CYB5R4: variants seen among roughly 807,000 people sequenced by gnomAD.
CYB5R4 encodes the protein cytochrome b5 reductase 4, also known as N-terminal cytochrome b5 and cytochrome b5 oxidoreductase domain-containing protein.
Under a neutral mutation model 70.2 loss-of-function variants are expected in CYB5R4, and 55 were observed. The observed-to-expected ratio is 0.78, with a 90% CI of 0.63 to 0.98. The LOEUF (loss-of-function observed/expected upper bound fraction) is 0.98. CYB5R4 is among the 50% of genes least tolerant of loss of function. The pLI, the probability that CYB5R4 is intolerant of heterozygous loss-of-function variation, is 0.00. For missense variants in CYB5R4, 562 were observed against 612.6 expected (o/e 0.92, Z 0.87); for synonymous variants, 197 against 199.5 (o/e 0.99, Z 0.11).
At position 83,908,681 on chromosome 6, in the gene CYB5R4, G is replaced by A. The variant is rs962885665; in HGVS notation, c.331-328G>A. Among the ~76,000 whole-genome samples the A allele has an allele frequency of 2.0e-5, 3 of 151,982 alleles. No homozygotes were observed. The East Asian group carries it at 5.8e-4, about 29-fold the overall frequency. On this transcript the variant is annotated intron_variant, in intron 3 of 15. Transcript: ENST00000369681. ...GATACTAGCAGTTTTACCCACCATTGCTTTTATAGCATCAGAGCAAATGTC... is the reference window on the plus strand; with the variant it reads ...GATACTAGCAGTTTTACCCACCATTACTTTTATAGCATCAGAGCAAATGTC...
intron 2 of CYB5R4, among the ~76,000 whole-genome samples, chr6:83,865,606 AAT>A (rs1353687579): frequency 2.6e-5 from 4 of 152,108 alleles, no homozygotes; most frequent in African/African-American, 2.4e-5. Context: ...TATGGACCCT[AAT>A]CATACTCGAT....
chr6:83,921,073 C>A lies in CYB5R4; in HGVS notation c.565-9C>A, dbSNP rs898836569. 6.8e-7 allele frequency: 1 copy of A among 1,472,670 alleles called. No homozygotes were observed. The highest frequency in any genetic ancestry group is 2.5e-5 in the Admixed American group (1 of 40,428). The allele number at this position is 1,472,670 out of a possible 1,614,324, so 91.2% of individuals were successfully genotyped here. The stretch of plus-strand genomic sequence containing the variant: ...TTTCTAATCTTTCTATTTTTGCTTT[C>A]TCTTTAAGGATATCAATTTAGACTC... On this transcript the variant is annotated splice_polypyrimidine_tract_variant and intron_variant, in intron 7 of 15. Transcript: ENST00000369681.
rs373584432 is a variant in CYB5R4, at chr6:83,899,687, G to C, written c.330+6065G>C. 3.3e-5 allele frequency among the ~76,000 whole-genome samples: 5 copies of C among 152,278 alleles called. No homozygotes were observed. In the East Asian group the frequency reaches 9.6e-4, roughly 29 times the overall value. On this transcript the variant is annotated intron_variant, in intron 3 of 15. Coordinates refer to ENST00000369681, the MANE Select transcript of CYB5R4 (RefSeq NM_016230.4). ...AGGGATTCAACTTCTTCCTGGTTTA[G>C]TCTTGGGAGGGTGTATGTGTCGAGG... is the stretch of plus-strand genomic sequence containing the variant.
chr6:83,892,860 C>G (rs946575364), intron 2 of CYB5R4, among the ~76,000 whole-genome samples: 38 of 151,826 alleles, frequency 2.5e-4, no homozygotes, highest in Admixed American at 7.2e-4. Context: ...CTCTCTCTCT[C>G]TGTGTGCGTG....
chr6:83,942,232 A>C (rs1211785116), intron 14 of CYB5R4, among the ~76,000 whole-genome samples: 2 of 152,244 alleles, frequency 1.3e-5, no homozygotes, highest in Non-Finnish European at 2.9e-5. Context: ...AGCGAGACCA[A>C]CACGGAAGGC....
intron 14 of CYB5R4, among the ~76,000 whole-genome samples, chr6:83,946,883 A>T (rs1328786108): frequency 3.3e-5 from 5 of 152,168 alleles, no homozygotes; most frequent in Non-Finnish European, 7.3e-5. Flanking sequence ...TTCAAGGAGA[A>T]CTGCAAACCA....
chr6:83,928,518 A>C (rs1044546803), intron 10 of CYB5R4, among the ~76,000 whole-genome samples: 1 of 152,174 alleles, frequency 6.6e-6, no homozygotes, highest in Admixed American at 6.5e-5. Context: ...AAACAAAACA[A>C]AAACTATATG....
At chr6:83,884,797 A>C (rs1392300693) in intron 2 of CYB5R4, among the ~76,000 whole-genome samples, 2 of 152,208 alleles carry the variant, frequency 1.3e-5, no homozygotes, top group Admixed American at 1.3e-4. Context: ...AGAATGCTAC[A>C]GTATACTGGC....
At chr6:83,931,236 G>T (rs185889069) in intron 10 of CYB5R4, among the ~76,000 whole-genome samples, 1 of 152,210 alleles carries the variant, frequency 6.6e-6, no homozygotes, top group Non-Finnish European at 1.5e-5. Context: ...GACAAGAAAC[G>T]CTAATAGCGT....
At position 83,897,226 on chromosome 6, in the gene CYB5R4, C is replaced by T. The variant is rs144331909; in HGVS notation, c.330+3604C>T. Among the ~76,000 whole-genome samples the T allele has an allele frequency of 3.2e-3, 488 of 152,272 alleles. 1 individual carries two copies. The highest frequency in any genetic ancestry group is 0.011 in the African/African-American group (476 of 41,556). On this transcript the variant is annotated intron_variant, in intron 3 of 15. Transcript: ENST00000369681. Reference sequence around the variant, plus strand: ...GTTTCCAGCTTCATCCATGTCCCTACAAAGGACATGAGCTCATCCTTTTTT... The same window carrying T: ...GTTTCCAGCTTCATCCATGTCCCTATAAAGGACATGAGCTCATCCTTTTTT...
At chr6:83,959,453 G>T (rs748068586) in intron 15 of CYB5R4, among the ~76,000 whole-genome samples, 24 of 152,122 alleles carry the variant, frequency 1.6e-4, no homozygotes, top group Non-Finnish European at 2.6e-4. Context: ...ATAAAAATCT[G>T]ATTTTTGTCA....
Position 83,965,933 on chromosome 6 carries a change from G to A in CYB5R4, c.*6055G>A, listed in dbSNP as rs2099473982. 1 of 152,294 alleles carries A rather than the reference G, an allele frequency of 6.6e-6. No individual in the cohort carries two copies. Among genetic ancestry groups the A allele is most frequent in the South Asian group, 2.1e-4 (1 of 4,828 alleles). 9.4% of individuals were successfully genotyped at this position (152,294 alleles called of 1,614,324 possible). On this transcript the variant is annotated 3_prime_UTR_variant, in exon 16 of 16. Coordinates refer to ENST00000369681, the MANE Select transcript of CYB5R4 (RefSeq NM_016230.4). ...TTCTCTTGCTGCCACCCTGTAAGAAGTATTTTTAACCTACCGCCATGATTC... is the reference window on the plus strand; with the variant it reads ...TTCTCTTGCTGCCACCCTGTAAGAAATATTTTTAACCTACCGCCATGATTC...
At position 83,962,020 on chromosome 6, in the gene CYB5R4, G is replaced by A. The variant is rs1380428735; in HGVS notation, c.*2142G>A. ...CTGACATGATTTTATCAACTTACATGTTAATTCCCAAATGGGAGTGACTAA... is the reference window on the plus strand; with the variant it reads ...CTGACATGATTTTATCAACTTACATATTAATTCCCAAATGGGAGTGACTAA... On this transcript the variant is annotated 3_prime_UTR_variant, in exon 16 of 16. Coordinates refer to ENST00000369681, the MANE Select transcript of CYB5R4 (RefSeq NM_016230.4). 6.6e-6 allele frequency: 1 copy of A among 151,968 alleles called. No individual in the cohort carries two copies. Among genetic ancestry groups the A allele is most frequent in the Admixed American group, 6.6e-5 (1 of 15,254 alleles). The allele number at this position is 151,968 out of a possible 1,614,324, so 9.4% of individuals were successfully genotyped here.
At chr6:83,873,203 A>G (rs1169654458) in intron 2 of CYB5R4, among the ~76,000 whole-genome samples, 1 of 145,392 alleles carries the variant, frequency 6.9e-6, no homozygotes, top group African/African-American at 2.5e-5. Context: ...GTTAATTAAC[A>G]TTGCTAGTTA....
intron 3 of CYB5R4, among the ~76,000 whole-genome samples, chr6:83,898,789 G>A (rs1588568820): frequency 6.6e-6 from 1 of 152,116 alleles, no homozygotes; most frequent in South Asian, 2.1e-4. Context: ...GTATAAGAAT[G>A]CTTGTGATTT....
rs1228059661 is a variant in CYB5R4 at position 83,948,372 on chromosome 6, T to C, written c.1347-6926T>C. Among the ~76,000 whole-genome samples the C allele has an allele frequency of 6.6e-5, 10 of 152,072 alleles. No homozygotes were observed. The East Asian group carries it at 1.9e-3, about 29-fold the overall frequency. ...TCACACAACAGGGCCTGTCACAGGG[T>C]GGGGGCCAAAGGGAGGGATAGAATT... On this transcript the variant is annotated intron_variant, in intron 14 of 15. Coordinates refer to ENST00000369681, the MANE Select transcript of CYB5R4 (RefSeq NM_016230.4).
In CYB5R4 at chr6:83,964,142, C is replaced by A; in HGVS notation, c.*4264C>A. ...ATACAGTAAATTGGTACCAGTAGAG[C>A]AGGTGTTGCTGCAAAGATACCGGGA... On this transcript the variant is annotated 3_prime_UTR_variant, in exon 16 of 16. Coordinates refer to ENST00000369681, the MANE Select transcript of CYB5R4 (RefSeq NM_016230.4). 1 of 159,112 alleles carries A rather than the reference C, an allele frequency of 6.3e-6. No homozygotes were observed. The highest frequency in any genetic ancestry group is 1.4e-5 in the Non-Finnish European group (1 of 73,376). 9.9% of individuals were successfully genotyped at this position (159,112 alleles called of 1,614,324 possible).
rs367864438 is a variant in CYB5R4 at position 83,859,758 on chromosome 6, C to A, written c.-25C>A. ...GTCCCGTCTGGCGGCGATCCCCGGG[C>A]AGGGCCCGGGGCCGGGGTTTGAAGA... On this transcript the variant is annotated 5_prime_UTR_variant, in exon 1 of 16. Transcript: ENST00000369681. 36 of 1,611,002 alleles carry A rather than the reference C, an allele frequency of 2.2e-5. No individual in the cohort carries two copies. The highest frequency in any genetic ancestry group is 2.5e-5 in the Non-Finnish European group (30 of 1,178,758).
chr6:83,926,024 G>A (rs932203726), intron 10 of CYB5R4, among the ~76,000 whole-genome samples: 2 of 152,096 alleles, frequency 1.3e-5, no homozygotes, highest in African/African-American at 4.8e-5. Flanking sequence ...TCTTCTCACT[G>A]TATAACTTCT....
Sources: allele counts gnomAD v4.1 joint callset (sites outside exome capture counted in the v4.1 genomes callset), GRCh38; gene constraint gnomAD v4.1.1; transcripts MANE v1.5; gene names NCBI Gene and HGNC (gene_info 2026-07-23, HGNC 2026-07-21).